DOCK7: variants seen among roughly 807,000 people sequenced by gnomAD.
DOCK7 encodes dedicator of cytokinesis protein 7.
A neutral mutation model predicts 271.0 loss-of-function variants in DOCK7; 138 were observed. The ratio of observed to expected loss-of-function variants is 0.51; its 90% CI spans 0.44 to 0.59. The LOEUF (loss-of-function observed/expected upper bound fraction) is 0.59. Among genes scored for constraint, DOCK7 ranks in the 20% least tolerant of loss-of-function variants. DOCK7 has a pLI of 0.00. For missense variants in DOCK7, 2,066 were observed against 2,592.4 expected, an observed-to-expected ratio of 0.80 and a Z score of 4.41; for synonymous variants, 823 against 876.1, an observed-to-expected ratio of 0.94 and a Z score of 1.07.
At chr1:62,592,553 A>C (rs976998923) in intron 14 of DOCK7, among the ~76,000 whole-genome samples, 2 of 152,170 alleles carry the variant, frequency 1.3e-5, no homozygotes, top group African/African-American at 2.4e-5. Flanking sequence ...TGTTATATAT[A>C]TAACAAAGAA....
At chr1:62,611,220 G>C (rs1288487060) in intron 14 of DOCK7, among the ~76,000 whole-genome samples, 1 of 151,988 alleles carries the variant, frequency 6.6e-6, no homozygotes, top group Non-Finnish European at 1.5e-5. Context: ...TTAATATTTT[G>C]ATAATTTTAA....
intron 29 of DOCK7, among the ~76,000 whole-genome samples, chr1:62,531,029 T>C (rs942837620): frequency 5.9e-5 from 9 of 152,166 alleles, no homozygotes; most frequent in Admixed American, 5.2e-4. Context: ...AAGAACCACA[T>C]CTAGTGAACC....
At chr1:62,522,845 T>A (rs1644892575) in intron 31 of DOCK7, among the ~76,000 whole-genome samples, 1 of 152,076 alleles carries the variant, frequency 6.6e-6, no homozygotes, top group African/African-American at 2.4e-5. Context: ...CAAAAATCAA[T>A]TTTTTTGATA....
chr1:62,601,668 T>C, intron 14 of DOCK7: 1 of 816,980 alleles, frequency 1.2e-6, no homozygotes, highest in Non-Finnish European at 2.0e-6. Context: ...GAAAAAATGC[T>C]ACATTTGCCA....
intron 33 of DOCK7, among the ~76,000 whole-genome samples, chr1:62,512,567 C>T (rs1337531986): frequency 6.6e-6 from 1 of 151,970 alleles, no homozygotes; most frequent in East Asian, 1.9e-4. Context: ...GTTTGATGGG[C>T]AATATTTTTG....
chr1:62,656,508 T>G (rs554750734), intron 2 of DOCK7, among the ~76,000 whole-genome samples: 1 of 152,044 alleles, frequency 6.6e-6, no homozygotes, highest in Admixed American at 6.6e-5. Flanking sequence ...CATAAAAAAG[T>G]GCTCAAACAT....
chr1:62,462,585 A>C (rs1557579222), intron 48 of DOCK7, among the ~76,000 whole-genome samples: 1 of 152,204 alleles, frequency 6.6e-6, no homozygotes, highest in Non-Finnish European at 1.5e-5. Flanking sequence ...TTTCACCACA[A>C]ACCTGTGAAT....
intron 12 of DOCK7, among the ~76,000 whole-genome samples, chr1:62,622,946 A>G (rs1340286539): frequency 6.6e-6 from 1 of 151,800 alleles, no homozygotes; most frequent in Non-Finnish European, 1.5e-5. Context: ...AAAAACAAAA[A>G]CAAAAAACCC....
intron 18 of DOCK7, among the ~76,000 whole-genome samples, chr1:62,573,511 T>G (rs1338178065): frequency 6.6e-6 from 1 of 152,164 alleles, no homozygotes; most frequent in African/African-American, 2.4e-5. Flanking sequence ...CTGAATAATA[T>G]TATAAAGCAG....
chr1:62,638,589 A>T (rs910086487), intron 7 of DOCK7, among the ~76,000 whole-genome samples: 2 of 147,066 alleles, frequency 1.4e-5, no homozygotes, highest in African/African-American at 2.5e-5. Context: ...ATGAATATAT[A>T]TTTTCATGAA....
At chr1:62,675,141 A>G (rs766422120) in intron 1 of DOCK7, among the ~76,000 whole-genome samples, 7 of 152,218 alleles carry the variant, frequency 4.6e-5, no homozygotes, top group Non-Finnish European at 7.3e-5. Context: ...GAGGCCAGGC[A>G]TGGTGGTGCA....
intron 34 of DOCK7, 47 bp from the exon 35 acceptor site, chr1:62,508,105 A>C (rs751463141): frequency 6.6e-7 from 1 of 1,514,988 alleles, no homozygotes; most frequent in South Asian, 1.3e-5. Context: ...TTTGAAAACT[A>C]CAATTCTGAA....
At chr1:62,635,400 G>A (rs955076325) in intron 8 of DOCK7, 36 of 152,508 alleles carry the variant, frequency 2.4e-4, no homozygotes, top group African/African-American at 8.5e-4. Context: ...AGCCGGGCAT[G>A]GTGGCAGGCG....
chr1:62,621,809 A>G (rs1653277983), intron 12 of DOCK7, among the ~76,000 whole-genome samples: 1 of 152,256 alleles, frequency 6.6e-6, no homozygotes, highest in Admixed American at 6.5e-5. Context: ...CAGAAATAAT[A>G]TAAATTTTTT....
chr1:62,616,443 G>T (rs1198511815), intron 14 of DOCK7, among the ~76,000 whole-genome samples: 3 of 147,204 alleles, frequency 2.0e-5, no homozygotes, highest in Non-Finnish European at 4.6e-5. Context: ...AGATAAAAGT[G>T]TTCTGTTTTA....
At chr1:62,610,187 C>T (rs780472285) in intron 14 of DOCK7, among the ~76,000 whole-genome samples, 9 of 152,094 alleles carry the variant, frequency 5.9e-5, no homozygotes, top group Non-Finnish European at 1.0e-4. Flanking sequence ...AGGACCAATT[C>T]GATAGAATAA....
At chr1:62,514,390 A>T (rs532191094) in intron 31 of DOCK7, among the ~76,000 whole-genome samples, 1 of 152,138 alleles carries the variant, frequency 6.6e-6, no homozygotes, top group Non-Finnish European at 1.5e-5. Context: ...GTCTTAGGCT[A>T]TATAGAAGTA....
intron 16 of DOCK7, among the ~76,000 whole-genome samples, chr1:62,582,419 G>C (rs868455548): frequency 6.7e-6 from 1 of 148,616 alleles, no homozygotes; most frequent in Middle Eastern, 3.5e-3. Flanking sequence ...GCGTAGTGGC[G>C]GGCGCCTGTA....
intron 7 of DOCK7, among the ~76,000 whole-genome samples, chr1:62,645,207 C>A (rs574108399): frequency 6.6e-6 from 1 of 151,802 alleles, no homozygotes; most frequent in Admixed American, 6.6e-5. Flanking sequence ...AGGTATATAC[C>A]CAAGAGAAAT....
Sources: gnomAD v4.1 joint callset for allele counts (sites outside exome capture counted in the v4.1 genomes callset) on GRCh38, gnomAD v4.1.1 for gene constraint, MANE v1.5 for transcripts, NCBI Gene and HGNC (gene_info 2026-07-23, HGNC 2026-07-21) for gene names.